Variants in SGSM1 observed in about 807,000 individuals in gnomAD.
The protein encoded by SGSM1 is small G protein signaling modulator 1, also known as RUN and TBC1 domain containing 2.
A neutral mutation model predicts 133.8 loss-of-function variants in SGSM1; 73 were observed. The observed-to-expected ratio is 0.55, with a 90% confidence interval of 0.45 to 0.66. SGSM1 has a LOEUF of 0.66. Among genes scored for constraint, SGSM1 ranks in the 30% least tolerant of loss-of-function variants. The probability of loss-of-function intolerance (pLI) is 0.00; values close to 1 mark genes in which losing one functional copy is unlikely to be tolerated. For synonymous variants in SGSM1, 563 were observed against 573.0 expected (o/e 0.98, Z 0.25); for missense variants, 1,213 against 1,448.1 (o/e 0.84, Z 2.64).
intron 23 of SGSM1, among the ~76,000 whole-genome samples, chr22:24,918,881 G>T (rs867510242): frequency 2.1e-4 from 32 of 151,970 alleles, no homozygotes; most frequent in African/African-American, 4.8e-4. Flanking sequence ...TGGGATTACA[G>T]GCACCCGCCT....
At chr22:24,899,724 G>A (rs534326305) in intron 19 of SGSM1, among the ~76,000 whole-genome samples, 1 of 151,728 alleles carries the variant, frequency 6.6e-6, no homozygotes, top group African/African-American at 2.4e-5. Flanking sequence ...GGTTTCACCG[G>A]GTTGGCCAGG....
intron 16 of SGSM1, among the ~76,000 whole-genome samples, chr22:24,889,411 C>CTTTTT (rs535610385): frequency 7.3e-6 from 1 of 136,854 alleles, no homozygotes; most frequent in African/African-American, 2.7e-5. Flanking sequence ...AAATGTATTT[C>CTTTTT]TTTTTTTTTT....
At chr22:24,859,950 C>T in intron 9 of SGSM1, 110 bp downstream of exon 9, 2 of 1,451,284 alleles carry the variant, frequency 1.4e-6, no homozygotes, top group South Asian at 1.3e-5. Flanking sequence ...GCTTCTGCCC[C>T]CTCCTCTGCC....
At chr22:24,919,040 C>CTTTTT (rs143985087) in intron 23 of SGSM1, among the ~76,000 whole-genome samples, 1 of 71,778 alleles carries the variant, frequency 1.4e-5, no homozygotes. Context: ...CACACCCGGC[C>CTTTTT]TTTTTTTTTT....
At chr22:24,871,469 G>A (rs1226971439) in intron 12 of SGSM1, among the ~76,000 whole-genome samples, 3 of 152,156 alleles carry the variant, frequency 2.0e-5, no homozygotes, top group Middle Eastern at 3.2e-3. Flanking sequence ...AGTAGGTATC[G>A]TGTCTTGAGT....
At chr22:24,828,596 A>G (rs911987200) in intron 2 of SGSM1, among the ~76,000 whole-genome samples, 2 of 152,220 alleles carry the variant, frequency 1.3e-5, no homozygotes, top group Admixed American at 6.5e-5. Flanking sequence ...CCAGGGTTGC[A>G]GAGAAAATGG....
chr22:24,858,299 T>C (rs1569150901), intron 8 of SGSM1, among the ~76,000 whole-genome samples: 1 of 152,134 alleles, frequency 6.6e-6, no homozygotes, highest in East Asian at 1.9e-4. Context: ...TCTTAAGTCC[T>C]GTAAAGTATT....
intron 15 of SGSM1, among the ~76,000 whole-genome samples, chr22:24,886,235 T>C (rs1932590874): frequency 6.6e-6 from 1 of 151,772 alleles, no homozygotes; most frequent in Non-Finnish European, 1.5e-5. Flanking sequence ...ACCCCGTCTC[T>C]ACTAAAAATA....
At chr22:24,843,673 G>C (rs1462457079) in intron 2 of SGSM1, 2 of 152,256 alleles carry the variant, frequency 1.3e-5, no homozygotes, top group African/African-American at 4.8e-5. Context: ...ACTCTGGGCA[G>C]AATCAGGCCC....
intron 14 of SGSM1, among the ~76,000 whole-genome samples, chr22:24,882,591 C>A (rs1932392708): frequency 6.6e-6 from 1 of 152,096 alleles, no homozygotes; most frequent in African/African-American, 2.4e-5. Flanking sequence ...CCCCACTATA[C>A]CATCCAATAC....
At chr22:24,870,350 G>T (rs1931707030) in intron 12 of SGSM1, among the ~76,000 whole-genome samples, 1 of 152,206 alleles carries the variant, frequency 6.6e-6, no homozygotes, top group Admixed American at 6.5e-5. Context: ...CCACCCCTGT[G>T]AAGACCAACA....
In SGSM1 at chr22:24,861,652, A is replaced by T. The variant is rs930390096; in HGVS notation, c.926+1812A>T. Among the ~76,000 whole-genome samples, 13 of 149,872 alleles carry T rather than the reference A, an allele frequency of 8.7e-5. No homozygotes were observed. In the South Asian group the frequency reaches 2.8e-3, roughly 32 times the overall value. ...AACCTCTGCTTCCTGGGTTCAAGCG[A>T]TCCTCCCACCTCAGCCTCCTGAGTA... On this transcript the variant is annotated intron_variant, in intron 9 of 24. Coordinates refer to ENST00000400358, the MANE Select transcript of SGSM1 (RefSeq NM_001098497.3).
Position 24,806,468 on chromosome 22 carries a change from G to A in SGSM1, c.47G>A (p.Arg16His). The change falls in exon 2 of 25, where the codon CGC becomes CAC. Residue 16 changes from arginine to histidine, a missense_variant. By Grantham distance (29) the Arg-to-His change is conservative. Transcript: ENST00000400358. ...GCGGAGACCCGACAGAGGCTGCTAC[G>A]CACCGTCAAGAAGGAGGTGGGTGCC... ...AEAETRQRLL[R>H]TVKKEVKQIM... 1.3e-6 allele frequency: 2 copies of A among 1,519,514 alleles called. No individual in the cohort carries two copies. The highest frequency in any genetic ancestry group is 1.4e-5 in the African/African-American group (1 of 69,850). 94.1% of individuals were successfully genotyped at this position (1,519,514 alleles called of 1,614,324 possible).
intron 2 of SGSM1, among the ~76,000 whole-genome samples, chr22:24,834,033 G>GA (rs143856550): frequency 0.13 from 19,098 of 152,290 alleles, 1,368 homozygotes; most frequent in East Asian, 0.21. Context: ...AACAGATGGG[G>GA]CCCAGTAGCC....
At chr22:24,902,998 C>T (rs910963989) in intron 20 of SGSM1, among the ~76,000 whole-genome samples, 3 of 152,112 alleles carry the variant, frequency 2.0e-5, no homozygotes, top group African/African-American at 7.2e-5. Context: ...ACTGTGATCA[C>T]ACAACTGCAC....
intron 2 of SGSM1, among the ~76,000 whole-genome samples, chr22:24,826,966 T>G (rs1014897717): frequency 6.6e-6 from 1 of 152,096 alleles, no homozygotes; most frequent in African/African-American, 2.4e-5. Context: ...GAGACTGACC[T>G]GTTTATGTTT....
At chr22:24,907,414 TATCTC>T (rs1315569825) in intron 21 of SGSM1, among the ~76,000 whole-genome samples, 3 of 152,144 alleles carry the variant, frequency 2.0e-5, no homozygotes, top group Non-Finnish European at 4.4e-5. Context: ...AATGGAAAGA[TATCTC>T]ATATTCATGG....
Position 24,830,734 on chromosome 22 carries a change from G to A in SGSM1, c.64-14163G>A, listed in dbSNP as rs545320604. On this transcript the variant is annotated intron_variant, in intron 2 of 24. Coordinates refer to ENST00000400358, the MANE Select transcript of SGSM1 (RefSeq NM_001098497.3). ...GCTTGAACTCTAATGAACTTTGAGC[G>A]TGCATGAGAATCACCGGGAGGGCTT... Among the ~76,000 whole-genome samples the A allele has an allele frequency of 5.3e-5, 8 of 152,284 alleles. No individual in the cohort carries two copies. In the South Asian group the frequency reaches 1.0e-3, roughly 20 times the overall value.
chr22:24,840,975 C>T (rs1012552253), intron 2 of SGSM1, among the ~76,000 whole-genome samples: 5 of 152,244 alleles, frequency 3.3e-5, no homozygotes, highest in Admixed American at 6.5e-5. Flanking sequence ...CTCAGCCTCT[C>T]GAGTAGCTGG....
Sources: gnomAD v4.1 joint callset for allele counts (sites outside exome capture counted in the v4.1 genomes callset) on GRCh38, gnomAD v4.1.1 for gene constraint, MANE v1.5 for transcripts, NCBI Gene and HGNC (gene_info 2026-07-23, HGNC 2026-07-21) for gene names.